NBAS: variants seen among roughly 807,000 people sequenced by gnomAD.
The protein encoded by NBAS is NBAS subunit of NRZ tethering complex.
Under a neutral mutation model 302.5 loss-of-function variants are expected in NBAS, and 219 were observed. The ratio of observed to expected loss-of-function variants is 0.72; its 90% CI spans 0.65 to 0.81. NBAS has a LOEUF of 0.81. NBAS is among the 30% of genes least tolerant of loss of function. The probability of loss-of-function intolerance (pLI) is 0.00; values close to 1 mark genes in which losing one functional copy is unlikely to be tolerated. For missense variants in NBAS, 2,932 were observed against 2,841.6 expected (o/e 1.03, Z -0.72); for synonymous variants, 1,118 against 1,021.6 (o/e 1.09, Z -1.80).
chr2:15,352,009 T>C lies in NBAS; in HGVS notation c.4162A>G (p.Ser1388Gly), dbSNP rs1340710596. 2.5e-6 allele frequency: 4 copies of C among 1,609,572 alleles called. No homozygotes were observed. Among genetic ancestry groups the C allele is most frequent in the Admixed American group, 3.3e-5 (2 of 59,974 alleles). ...GENISASPLT[S>G]KAVQEDEVGV... The stretch of plus-strand genomic sequence containing the variant: ...TAACTTACCTCTTGTACTGCTTTAC[T>C]AGTTAATGGTGAAGCACTGATATTT... The change falls in exon 35 of 52, where the codon AGT becomes GGT. Residue 1388 changes from serine to glycine, a missense_variant. Ser to Gly is a moderately conservative substitution (Grantham distance 56). Coordinates refer to ENST00000281513, the MANE Select transcript of NBAS (RefSeq NM_015909.4).
At chr2:15,326,072 T>C (rs1367103365) in intron 38 of NBAS, among the ~76,000 whole-genome samples, 1 of 152,214 alleles carries the variant, frequency 6.6e-6, no homozygotes, top group Admixed American at 6.5e-5. Context: ...ACATCTTATA[T>C]TGGTGCAGTT....
At chr2:15,264,724 T>C (rs1668999017) in intron 44 of NBAS, among the ~76,000 whole-genome samples, 1 of 152,168 alleles carries the variant, frequency 6.6e-6, no homozygotes, top group Non-Finnish European at 1.5e-5. Flanking sequence ...TTAAATTCTG[T>C]GTCTGTTAAA....
chr2:15,203,231 T>C (rs138622673), intron 48 of NBAS, among the ~76,000 whole-genome samples: 211 of 152,330 alleles, frequency 1.4e-3, no homozygotes, highest in South Asian at 4.1e-3. Flanking sequence ...TAGTTATATA[T>C]CATTCTGTCA....
At chr2:15,173,317 T>C (rs1300205671) in intron 51 of NBAS, among the ~76,000 whole-genome samples, 2 of 152,240 alleles carry the variant, frequency 1.3e-5, no homozygotes, top group Non-Finnish European at 2.9e-5. Context: ...TCTTTGATTT[T>C]ATGGATCTAT....
chr2:15,336,885 A>G (rs1024360044), intron 35 of NBAS, among the ~76,000 whole-genome samples: 1 of 152,222 alleles, frequency 6.6e-6, no homozygotes, highest in Non-Finnish European at 1.5e-5. Context: ...ATCCAAGTAT[A>G]GAACTGAAAA....
intron 21 of NBAS, among the ~76,000 whole-genome samples, chr2:15,448,406 A>G (rs750432659): frequency 6.6e-6 from 1 of 152,216 alleles, no homozygotes; most frequent in Admixed American, 6.5e-5. Context: ...TTACTTAATC[A>G]TAAGTACCTC....
chr2:15,559,489 T>G (rs1205483096), intron 1 of NBAS, among the ~76,000 whole-genome samples: 1 of 152,250 alleles, frequency 6.6e-6, no homozygotes, highest in African/African-American at 2.4e-5. Flanking sequence ...TAAAGTGCTG[T>G]CAAGAAAAGC....
chr2:14,829,213 T>C, the NBAS span, among the ~76,000 whole-genome samples: 1 of 152,116 alleles, frequency 6.6e-6, no homozygotes, highest in Admixed American at 6.6e-5. Context: ...GAGATTACAC[T>C]GAACTCAGCT....
At chr2:15,003,138 G>A in the NBAS span, among the ~76,000 whole-genome samples, 1 of 152,228 alleles carries the variant, frequency 6.6e-6, no homozygotes, top group Non-Finnish European at 1.5e-5. Context: ...ATTCAGAGGA[G>A]GGAGAAATTA....
At chr2:15,330,873 AG>A in intron 35 of NBAS, 108 bp from the exon 36 acceptor site, 2 of 1,225,930 alleles carry the variant, frequency 1.6e-6, no homozygotes, top group South Asian at 1.5e-5. Flanking sequence ...ACTTGAAGAC[AG>A]ACACATTTAA....
chr2:14,961,134 T>A, the NBAS span, among the ~76,000 whole-genome samples: 1 of 152,124 alleles, frequency 6.6e-6, no homozygotes, highest in Non-Finnish European at 1.5e-5. Context: ...AGCTGCCCCC[T>A]AGTTTCCATG....
At chr2:15,104,122 T>C in the NBAS span, among the ~76,000 whole-genome samples, 12,067 of 152,136 alleles carry the variant, frequency 0.079, 756 homozygotes, top group African/African-American at 0.18. Context: ...GTTTTTGTGG[T>C]AGTGAATAAG....
At chr2:15,422,206 A>G (rs1677245754) in intron 23 of NBAS, among the ~76,000 whole-genome samples, 1 of 152,276 alleles carries the variant, frequency 6.6e-6, no homozygotes, top group Middle Eastern at 3.4e-3. Flanking sequence ...AAAAAGTCAT[A>G]TGGTTGGAAT....
At chr2:15,311,485 T>A (rs1046701360) in intron 38 of NBAS, among the ~76,000 whole-genome samples, 1 of 152,186 alleles carries the variant, frequency 6.6e-6, no homozygotes, top group African/African-American at 2.4e-5. Flanking sequence ...CTAAAAATGA[T>A]TGATAAAAGG....
the NBAS span, among the ~76,000 whole-genome samples, chr2:14,848,125 G>A: frequency 7.9e-5 from 12 of 152,188 alleles, no homozygotes; most frequent in South Asian, 1.0e-3. Flanking sequence ...CAGCGTGAGC[G>A]ACGCAGAAGA....
At chr2:15,389,048 T>C (rs1675457337) in intron 28 of NBAS, among the ~76,000 whole-genome samples, 2 of 152,186 alleles carry the variant, frequency 1.3e-5, no homozygotes, top group Non-Finnish European at 2.9e-5. Flanking sequence ...ATGGATAGCA[T>C]CCTACTTTAG....
chr2:15,215,236 A>G (rs1240907352), intron 48 of NBAS, among the ~76,000 whole-genome samples: 2 of 152,198 alleles, frequency 1.3e-5, no homozygotes, highest in Non-Finnish European at 2.9e-5. Flanking sequence ...TGAAAAATGA[A>G]GGCCTCTGAA....
the NBAS span, among the ~76,000 whole-genome samples, chr2:15,053,727 T>C: frequency 1.3e-5 from 2 of 151,734 alleles, no homozygotes; most frequent in African/African-American, 2.4e-5. Flanking sequence ...AACTGTTCCA[T>C]GTGGAGAAAG....
chr2:15,144,067 A>ATATATC, the NBAS span, among the ~76,000 whole-genome samples: 1 of 115,828 alleles, frequency 8.6e-6, no homozygotes, highest in Non-Finnish European at 1.7e-5. Flanking sequence ...ATATATATAT[A>ATATATC]TCTCCCATTA....
Sources: gnomAD v4.1 joint callset for allele counts (sites outside exome capture counted in the v4.1 genomes callset) on GRCh38, gnomAD v4.1.1 for gene constraint, MANE v1.5 for transcripts, NCBI Gene and HGNC (gene_info 2026-07-23, HGNC 2026-07-21) for gene names.